Variants in SUN1 observed in about 807,000 individuals in gnomAD.
SUN1 encodes SUN domain-containing protein 1.
A neutral mutation model predicts 103.2 loss-of-function variants in SUN1; 61 were observed. That is an observed-to-expected ratio of 0.59 (90% CI 0.48 to 0.73). The LOEUF is 0.73. Among genes scored for constraint, SUN1 ranks in the 30% least tolerant of loss-of-function variants. The probability of loss-of-function intolerance (pLI) is 0.00; values close to 1 mark genes in which losing one functional copy is unlikely to be tolerated. For missense variants in SUN1, 1,052 were observed against 1,034.6 expected, an observed-to-expected ratio of 1.02 and a Z score of -0.23; for synonymous variants, 490 against 425.7, an observed-to-expected ratio of 1.15 and a Z score of -1.86.
intron 1 of SUN1, among the ~76,000 whole-genome samples, chr7:825,912 G>A (rs956845786): frequency 2.7e-5 from 4 of 149,172 alleles, no homozygotes; most frequent in Non-Finnish European, 4.4e-5. Flanking sequence ...TTTTTTTCCA[G>A]AATTTTAGTT....
intron 2 of SUN1, among the ~76,000 whole-genome samples, chr7:841,010 C>G (rs1270917446): frequency 1.3e-5 from 2 of 150,828 alleles, no homozygotes; most frequent in Non-Finnish European, 3.0e-5. Flanking sequence ...CTTGGCTCAC[C>G]GCAACCTCTG....
rs755852517 is a variant in SUN1 at position 855,022 on chromosome 7, C to A, written c.1350+16C>A. 1 of 1,584,866 alleles carries A rather than the reference C, an allele frequency of 6.3e-7. No individual in the cohort carries two copies. Among genetic ancestry groups the A allele is most frequent in the Non-Finnish European group, 8.6e-7 (1 of 1,160,126 alleles). ...AAAATCTGAGGTATTTATTTTTGAC[C>A]TTACGCTTTTTTAAAATAAAAAGAA... is the stretch of plus-strand genomic sequence containing the variant. On this transcript the variant is annotated intron_variant, in intron 11 of 18. Coordinates refer to ENST00000401592, the MANE Select transcript of SUN1 (RefSeq NM_001130965.3).
chr7:868,405 TG>T (rs1585283771), intron 16 of SUN1: 1 of 271,564 alleles, frequency 3.7e-6, no homozygotes. Flanking sequence ...GCTGTGCTTC[TG>T]GGGCTGCAGG....
chr7:842,063 G>C lies in SUN1; in HGVS notation c.384G>C (p.Val128=). The C allele has an allele frequency of 3.1e-6, 5 of 1,614,236 alleles. No individual in the cohort carries two copies. Among genetic ancestry groups the C allele is most frequent in the Non-Finnish European group, 4.2e-6 (5 of 1,180,048 alleles). ...HGGTVSLQDA[V]TRRPPVLDES... is the part of the protein sequence containing the mutation. ...GCACTGTCAGCCTGCAGGATGCTGT[G>C]ACTCGACGGCCTCCTGTATTGGACG... Residue 128 remains valine (V), a synonymous_variant, in exon 3 of 19, where the codon GTG becomes GTC. Transcript: ENST00000401592.
At chr7:819,868 A>G (rs1202104808) in intron 1 of SUN1, among the ~76,000 whole-genome samples, 1 of 151,742 alleles carries the variant, frequency 6.6e-6, no homozygotes, top group African/African-American at 2.4e-5. Flanking sequence ...GCCACCACAC[A>G]CAGCTAATTT....
In SUN1 at chr7:838,212, C is replaced by G. The variant is rs73669691; in HGVS notation, c.78-586C>G. The stretch of plus-strand genomic sequence containing the variant: ...GGATTGCAGGCGTGAACCACTGTGC[C>G]TGGCTCATCTTTTTATTTAATTACA... On this transcript the variant is annotated intron_variant, in intron 1 of 18. Transcript: ENST00000401592. Among the ~76,000 whole-genome samples the G allele has an allele frequency of 6.9e-3, 1,058 of 152,312 alleles. 10 individuals are homozygous for G. The highest frequency in any genetic ancestry group is 0.024 in the African/African-American group (979 of 41,552).
At chr7:830,095 G>T (rs1327473884), upstream of SUN1, among the ~76,000 whole-genome samples, 2 of 152,156 alleles carry the variant, frequency 1.3e-5, no homozygotes, top group African/African-American at 4.8e-5. Flanking sequence ...GTCGTGGTCT[G>T]TTAAGGGGGA....
chr7:825,077 T>C (rs1434351358), intron 1 of SUN1, among the ~76,000 whole-genome samples: 1 of 152,100 alleles, frequency 6.6e-6, no homozygotes, highest in South Asian at 2.1e-4. Context: ...TTTTTTTTTT[T>C]AGGCGGAGTC....
intron 10 of SUN1, 70 bp downstream of exon 10, chr7:853,688 T>C: frequency 6.6e-7 from 1 of 1,522,794 alleles, no homozygotes; most frequent in Non-Finnish European, 8.9e-7. Context: ...TTCTCTCCTT[T>C]TGGGAGACAG....
intron 5 of SUN1, chr7:849,725 G>A (rs754845136): frequency 1.1e-5 from 13 of 1,189,590 alleles, no homozygotes; most frequent in East Asian, 4.7e-5. Flanking sequence ...CACTGATGAC[G>A]ACGGGCTGTT....
intron 5 of SUN1, among the ~76,000 whole-genome samples, chr7:846,360 G>C (rs896399966): frequency 6.6e-6 from 1 of 152,146 alleles, no homozygotes; most frequent in Non-Finnish European, 1.5e-5. Context: ...GCCCACCTTG[G>C]CCTCCCAAAG....
In SUN1 at chr7:861,268, C is replaced by G. The variant is rs76105981; in HGVS notation, c.1780-112C>G. On this transcript the variant is annotated intron_variant, in intron 14 of 18. Coordinates refer to ENST00000401592, the MANE Select transcript of SUN1 (RefSeq NM_001130965.3). ...CATGCCTAGGAACCCTACATAGTTT[C>G]CGTTGAGAAGATGCTCTAATGTAAG... 0.13 allele frequency: 140,330 copies of G among 1,042,384 alleles called. 10,725 individuals are homozygous for G. Among genetic ancestry groups the G allele is most frequent in the South Asian group, 0.23 (16,132 of 70,022 alleles). The allele number at this position is 1,042,384 out of a possible 1,614,324, so 64.6% of individuals were successfully genotyped here. A position where few individuals can be genotyped will look rare whatever the true frequency, so the allele number is the denominator to read the frequency against.
rs756933660 is a variant in SUN1, at chr7:849,479, G to C, written c.659-1905G>C. 3 of 1,326,962 alleles carry C rather than the reference G, an allele frequency of 2.3e-6. No homozygotes were observed. In the South Asian group the frequency reaches 3.5e-5, roughly 15 times the overall value. 82.2% of individuals were successfully genotyped at this position (1,326,962 alleles called of 1,614,324 possible). On this transcript the variant is annotated intron_variant, in intron 5 of 18. Transcript: ENST00000401592. ...AGGGTGCGAGAAGCACTTGAGCTTG[G>C]CGTCGGTGAGTTCCCTAAGCCTCTT...
Position 843,420 on chromosome 7 carries a change from C to T in SUN1, c.558C>T (p.Ser186=), listed in dbSNP as rs1812126993. The T allele has an allele frequency of 2.5e-6, 4 of 1,613,768 alleles. No homozygotes were observed. Among genetic ancestry groups the T allele is most frequent in the Non-Finnish European group, 3.4e-6 (4 of 1,179,816 alleles). ...AATAHNGFSC[S]NCSMLSERKD... is the part of the protein sequence containing the mutation. ...CCGCGCACAACGGCTTCTCCTGCAGCAACTGCAGCATGCTGTCCGAGCGCA... is the reference window on the plus strand; with the variant it reads ...CCGCGCACAACGGCTTCTCCTGCAGTAACTGCAGCATGCTGTCCGAGCGCA... Residue 186 remains serine, a synonymous_variant, in exon 5 of 19, where the codon AGC becomes AGT. Coordinates refer to ENST00000401592, the MANE Select transcript of SUN1 (RefSeq NM_001130965.3).
intron 5 of SUN1, chr7:848,426 T>A (rs1472616026): frequency 7.4e-7 from 1 of 1,358,422 alleles, no homozygotes; most frequent in South Asian, 1.2e-5. Context: ...AGGCGGTGCG[T>A]CTTTCTACGT....
At chr7:831,123 T>A, upstream of SUN1, 8 of 583,256 alleles carry the variant, frequency 1.4e-5, no homozygotes, top group Non-Finnish European at 1.7e-5. Context: ...TTACGTGGAT[T>A]AAGTGATCAC....
intron 5 of SUN1, among the ~76,000 whole-genome samples, chr7:845,918 G>A (rs375372732): frequency 3.3e-5 from 5 of 151,658 alleles, no homozygotes; most frequent in African/African-American, 4.8e-5. Flanking sequence ...TGGCTGTCCC[G>A]GGGTTCTCGT....
chr7:817,261 A>G (rs1781550798), intron 1 of SUN1: 2 of 691,876 alleles, frequency 2.9e-6, no homozygotes. Flanking sequence ...CGCCCGGCTG[A>G]TAGTCGTATT....
chr7:858,631 C>T (rs2128447183), intron 13 of SUN1, among the ~76,000 whole-genome samples: 1 of 152,262 alleles, frequency 6.6e-6, no homozygotes, highest in East Asian at 1.9e-4. Context: ...TGCTCTGTTT[C>T]GTGTCGAAAC....
Sources: allele counts gnomAD v4.1 joint callset (sites outside exome capture counted in the v4.1 genomes callset), GRCh38; gene constraint gnomAD v4.1.1; transcripts MANE v1.5; gene names NCBI Gene and HGNC (gene_info 2026-07-23, HGNC 2026-07-21).